Variants in FTCDNL1 observed in about 807,000 individuals in gnomAD.
FTCDNL1 encodes the protein formiminotransferase N-terminal subdomain-containing protein.
Under a neutral mutation model 5.9 loss-of-function variants are expected in FTCDNL1, and 11 were observed. The observed-to-expected ratio is 1.87, with a 90% CI of 1.18 to 3.10. The LOEUF (loss-of-function observed/expected upper bound fraction) is 3.10, where lower values mean the gene tolerates loss of function less well. Among genes scored for constraint, FTCDNL1 ranks in the 30% most tolerant of loss-of-function variants. The pLI, the probability that FTCDNL1 is intolerant of heterozygous loss-of-function variation, is 0.00. For missense variants in FTCDNL1, 115 were observed against 65.5 expected (o/e 1.76, Z -2.61); for synonymous variants, 58 against 24.8 (o/e 2.34, Z -3.99).
At chr2:199,836,309 C>A (rs1346070432) in intron 3 of FTCDNL1, among the ~76,000 whole-genome samples, 2 of 152,062 alleles carry the variant, frequency 1.3e-5, no homozygotes, top group East Asian at 1.9e-4. Context: ...AGACTACAGG[C>A]ACGCACTACC....
At chr2:199,762,763 T>C (rs1022804132) in intron 3 of FTCDNL1, among the ~76,000 whole-genome samples, 3 of 152,226 alleles carry the variant, frequency 2.0e-5, no homozygotes, top group Non-Finnish European at 4.4e-5. Flanking sequence ...TTATATCACA[T>C]ATACAGTTAT....
At chr2:199,682,800 A>G in the FTCDNL1 span, among the ~76,000 whole-genome samples, 2 of 152,372 alleles carry the variant, frequency 1.3e-5, no homozygotes, top group East Asian at 3.8e-4. Context: ...TTGGTAACAT[A>G]TAATAGATTT....
the FTCDNL1 span, among the ~76,000 whole-genome samples, chr2:199,696,025 A>G: frequency 6.6e-6 from 1 of 152,154 alleles, no homozygotes; most frequent in Non-Finnish European, 1.5e-5. Context: ...TAACTGGGGC[A>G]CTTCCCAGCA....
At chr2:199,705,176 T>C in the FTCDNL1 span, among the ~76,000 whole-genome samples, 1 of 152,128 alleles carries the variant, frequency 6.6e-6, no homozygotes, top group African/African-American at 2.4e-5. Flanking sequence ...GACTTGTTGA[T>C]AGACTAGATA....
chr2:199,711,856 A>T, the FTCDNL1 span, among the ~76,000 whole-genome samples: 7 of 152,136 alleles, frequency 4.6e-5, no homozygotes, highest in African/African-American at 1.7e-4. Context: ...AGAAGGTCAC[A>T]TTGAGAGGAG....
chr2:199,740,277 T>G, the FTCDNL1 span, among the ~76,000 whole-genome samples: 5 of 151,998 alleles, frequency 3.3e-5, no homozygotes, highest in African/African-American at 1.2e-4. Context: ...TGCCGGAAAC[T>G]TTTGAGATGG....
intron 3 of FTCDNL1, among the ~76,000 whole-genome samples, chr2:199,827,968 GA>G (rs1369940749): frequency 6.6e-6 from 1 of 152,118 alleles, no homozygotes; most frequent in African/African-American, 2.4e-5. Context: ...GCAAGAAAAT[GA>G]AATATTACAT....
the FTCDNL1 span, among the ~76,000 whole-genome samples, chr2:199,723,275 GT>G: frequency 1.3e-5 from 2 of 152,050 alleles, no homozygotes; most frequent in African/African-American, 2.4e-5. Flanking sequence ...AGCTTAAGAA[GT>G]TTTTGGGCTG....
intron 3 of FTCDNL1, among the ~76,000 whole-genome samples, chr2:199,825,907 A>C (rs1266992114): frequency 6.6e-6 from 1 of 152,226 alleles, no homozygotes; most frequent in Admixed American, 6.5e-5. Flanking sequence ...TGGCATGAGA[A>C]ATGGGAGAAT....
Position 199,843,771 on chromosome 2 carries a change from C to T in FTCDNL1, c.211+2304G>A, listed in dbSNP as rs559241086. 1.2e-3 allele frequency among the ~76,000 whole-genome samples: 180 copies of T among 152,208 alleles called. 3 individuals are homozygous for T. The highest frequency in any genetic ancestry group is 1.1e-3 in the Non-Finnish European group (73 of 68,018). The stretch of plus-strand genomic sequence containing the variant: ...TAAGCCTCTGCATCTTGTAATTAAC[C>T]GTGGTACAGTTAGACAGTCCAGGCA... On this transcript the variant is annotated intron_variant, in intron 3 of 4. Coordinates refer to ENST00000420128, the MANE Select transcript of FTCDNL1 (RefSeq NM_001363886.2).
At chr2:199,751,366 G>T in the FTCDNL1 span, among the ~76,000 whole-genome samples, 1 of 152,166 alleles carries the variant, frequency 6.6e-6, no homozygotes, top group Non-Finnish European at 1.5e-5. Flanking sequence ...TTTTCTATTT[G>T]TTATTTGAAA....
chr2:199,680,687 G>A, the FTCDNL1 span, among the ~76,000 whole-genome samples: 3 of 152,170 alleles, frequency 2.0e-5, no homozygotes, highest in Non-Finnish European at 2.9e-5. Flanking sequence ...GCCATGGGCC[G>A]CATCAGACAC....
intron 3 of FTCDNL1, among the ~76,000 whole-genome samples, chr2:199,821,030 T>C (rs1299666567): frequency 6.6e-6 from 1 of 152,200 alleles, no homozygotes; most frequent in African/African-American, 2.4e-5. Flanking sequence ...GTATTATTTG[T>C]TTAATTCTAA....
chr2:199,742,188 C>G, the FTCDNL1 span, among the ~76,000 whole-genome samples: 1 of 152,034 alleles, frequency 6.6e-6, no homozygotes, highest in Non-Finnish European at 1.5e-5. Context: ...ACCATTCTTT[C>G]AAATTCAAGT....
At chr2:199,803,560 GCTCAAACGATC>G (rs1700577022) in intron 3 of FTCDNL1, among the ~76,000 whole-genome samples, 1 of 152,126 alleles carries the variant, frequency 6.6e-6, no homozygotes, top group South Asian at 2.1e-4. Flanking sequence ...GATCTCTCAG[GCTCAAACGATC>G]CTCACTTCTC....
intron 2 of FTCDNL1, among the ~76,000 whole-genome samples, chr2:199,846,944 T>C (rs1467905682): frequency 6.6e-6 from 1 of 152,230 alleles, no homozygotes; most frequent in Non-Finnish European, 1.5e-5. Flanking sequence ...TTGGTTATGC[T>C]ATTATACCTT....
At chr2:199,808,084 G>C (rs1700827749), downstream of FTCDNL1, among the ~76,000 whole-genome samples, 1 of 152,048 alleles carries the variant, frequency 6.6e-6, no homozygotes, top group African/African-American at 2.4e-5. Context: ...CAGCTCTCTT[G>C]CTCCTTCTCT....
chr2:199,700,243 CTATA>C, the FTCDNL1 span, among the ~76,000 whole-genome samples: 1 of 152,044 alleles, frequency 6.6e-6, no homozygotes, highest in South Asian at 2.1e-4. Flanking sequence ...AGTAGCATCG[CTATA>C]TACCAATAAT....
At chr2:199,834,517 C>T (rs1373924493) in intron 3 of FTCDNL1, among the ~76,000 whole-genome samples, 1 of 152,112 alleles carries the variant, frequency 6.6e-6, no homozygotes, top group Non-Finnish European at 1.5e-5. Flanking sequence ...CATTACAGGC[C>T]ACTCCTCCTC....
Sources: gnomAD v4.1 joint callset for allele counts (sites outside exome capture counted in the v4.1 genomes callset) on GRCh38, gnomAD v4.1.1 for gene constraint, MANE v1.5 for transcripts, NCBI Gene and HGNC (gene_info 2026-07-23, HGNC 2026-07-21) for gene names.